The following LYPLAL1 variants were observed in gnomAD, a reference collection of about 807,000 sequenced individuals.
LYPLAL1 encodes the protein lysophospholipase like 1.
LYPLAL1 carries 23 observed loss-of-function variants against 19.7 expected under a neutral mutation model. That is an observed-to-expected ratio of 1.17 (90% CI 0.84 to 1.65). The LOEUF (loss-of-function observed/expected upper bound fraction) is 1.65, where lower values mean the gene tolerates loss of function less well. Ranked by LOEUF, LYPLAL1 falls within the 40% of genes most tolerant of loss-of-function variation. LYPLAL1 has a pLI of 0.00. For synonymous variants in LYPLAL1, 119 were observed against 96.3 expected (o/e 1.24, Z -1.38); for missense variants, 355 against 279.4 (o/e 1.27, Z -1.93).
chr1:219,214,728 C>CCTGA (rs777703598), downstream of LYPLAL1, among the ~76,000 whole-genome samples: 311 of 148,194 alleles, frequency 2.1e-3, 1 homozygote, highest in Non-Finnish European at 3.5e-3. Flanking sequence ...TGCTTTGTCA[C>CCTGA]CTAGTCTACT....
At chr1:219,286,236 C>CGTG in the LYPLAL1 span, among the ~76,000 whole-genome samples, 1 of 152,018 alleles carries the variant, frequency 6.6e-6, no homozygotes, top group Non-Finnish European at 1.5e-5. Flanking sequence ...CTAGGGGGTT[C>CGTG]CTAGGGCCAT....
At chr1:219,327,695 C>G in the LYPLAL1 span, among the ~76,000 whole-genome samples, 767 of 152,274 alleles carry the variant, frequency 5.0e-3, 6 homozygotes, top group Non-Finnish European at 5.4e-3. Flanking sequence ...TCCCACAATT[C>G]CCACATGGGA....
At chr1:219,422,935 A>G in the LYPLAL1 span, among the ~76,000 whole-genome samples, 2 of 152,176 alleles carry the variant, frequency 1.3e-5, no homozygotes, top group Non-Finnish European at 2.9e-5. Context: ...GTTCTTAGTC[A>G]TTATAAAAAT....
the LYPLAL1 span, among the ~76,000 whole-genome samples, chr1:219,356,401 G>A: frequency 6.6e-6 from 1 of 152,164 alleles, no homozygotes; most frequent in Non-Finnish European, 1.5e-5. Context: ...TTGGGAGGCT[G>A]AGGCAGGAGA....
chr1:219,178,557 A>C (rs1036846027), intron 1 of LYPLAL1, among the ~76,000 whole-genome samples: 1 of 152,214 alleles, frequency 6.6e-6, no homozygotes, highest in African/African-American at 2.4e-5. Context: ...ATACATATAC[A>C]TTAATATTTA....
the LYPLAL1 span, among the ~76,000 whole-genome samples, chr1:219,428,889 C>A: frequency 1.3e-5 from 2 of 152,140 alleles, no homozygotes; most frequent in Admixed American, 6.6e-5. Flanking sequence ...ATGCATGGAT[C>A]CTTAGCTGGG....
the LYPLAL1 span, among the ~76,000 whole-genome samples, chr1:219,430,414 C>T: frequency 6.6e-6 from 1 of 151,912 alleles, no homozygotes; most frequent in African/African-American, 2.4e-5. Flanking sequence ...TTTTCCCTCC[C>T]TAGCTAAATT....
intron 3 of LYPLAL1, among the ~76,000 whole-genome samples, chr1:219,206,416 A>G (rs1259707915): frequency 2.0e-5 from 3 of 152,088 alleles, no homozygotes; most frequent in Middle Eastern, 6.3e-3. Flanking sequence ...ATTGAATTCA[A>G]ATAACTAGTT....
the LYPLAL1 span, among the ~76,000 whole-genome samples, chr1:219,358,305 G>A: frequency 3.3e-5 from 5 of 152,194 alleles, no homozygotes; most frequent in African/African-American, 1.2e-4. Context: ...AGTGAACTCT[G>A]TGAAACTAAA....
At chr1:219,223,320 A>C in the LYPLAL1 span, 5 of 152,288 alleles carry the variant, frequency 3.3e-5, no homozygotes, top group African/African-American at 1.2e-4. Context: ...TTTATTGCCC[A>C]GTAAACCATA....
chr1:219,390,405 A>G, the LYPLAL1 span, among the ~76,000 whole-genome samples: 1 of 152,204 alleles, frequency 6.6e-6, no homozygotes, highest in Non-Finnish European at 1.5e-5. Flanking sequence ...ACCAAGGAAG[A>G]TTAACTACCA....
the LYPLAL1 span, among the ~76,000 whole-genome samples, chr1:219,369,895 A>T: frequency 6.6e-6 from 1 of 152,246 alleles, no homozygotes; most frequent in Non-Finnish European, 1.5e-5. Context: ...CTCAGGTAGG[A>T]TAATGCTGTG....
the LYPLAL1 span, among the ~76,000 whole-genome samples, chr1:219,266,771 C>T: frequency 6.6e-6 from 1 of 152,106 alleles, no homozygotes; most frequent in African/African-American, 2.4e-5. Flanking sequence ...GTAGTATAAT[C>T]TTATGGGACC....
the LYPLAL1 span, among the ~76,000 whole-genome samples, chr1:219,277,876 A>T: frequency 6.6e-6 from 1 of 152,000 alleles, no homozygotes; most frequent in African/African-American, 2.4e-5. Flanking sequence ...GGGGACTTCA[A>T]ATAAGTTAAG....
chr1:219,265,800 C>T, the LYPLAL1 span, among the ~76,000 whole-genome samples: 3 of 152,104 alleles, frequency 2.0e-5, no homozygotes, highest in Admixed American at 1.3e-4. Context: ...AACATGGTAT[C>T]GTACTGAATA....
At chr1:219,425,988 A>G in the LYPLAL1 span, among the ~76,000 whole-genome samples, 3 of 152,246 alleles carry the variant, frequency 2.0e-5, no homozygotes, top group African/African-American at 7.2e-5. Flanking sequence ...CTAAAGAACC[A>G]ACTAAAAATT....
the LYPLAL1 span, among the ~76,000 whole-genome samples, chr1:219,279,792 C>T: frequency 6.6e-6 from 1 of 152,074 alleles, no homozygotes; most frequent in South Asian, 2.1e-4. Flanking sequence ...AAGGATTTTT[C>T]ACAGTGAGAT....
At chr1:219,228,180 A>T in the LYPLAL1 span, among the ~76,000 whole-genome samples, 4 of 152,170 alleles carry the variant, frequency 2.6e-5, no homozygotes, top group African/African-American at 4.8e-5. Context: ...GTCCCGTAAG[A>T]CCAACTCTCA....
At chr1:219,358,841 T>C in the LYPLAL1 span, among the ~76,000 whole-genome samples, 2 of 152,160 alleles carry the variant, frequency 1.3e-5, no homozygotes, top group African/African-American at 4.8e-5. Context: ...TGTGCGTGTG[T>C]GTGTGTGTGT....
Sources: allele counts gnomAD v4.1 joint callset (sites outside exome capture counted in the v4.1 genomes callset), GRCh38; gene constraint gnomAD v4.1.1; transcripts MANE v1.5; gene names NCBI Gene and HGNC (gene_info 2026-07-23, HGNC 2026-07-21).